DROSHA: variants seen among roughly 807,000 people sequenced by gnomAD.
DROSHA encodes ribonuclease 3.
In DROSHA, 56 loss-of-function variants were observed where a neutral mutation model predicts 181.9. The observed-to-expected ratio is 0.31, with a 90% CI of 0.25 to 0.38. The LOEUF (loss-of-function observed/expected upper bound fraction) is 0.38, where lower values mean the gene tolerates loss of function less well. Among genes scored for constraint, DROSHA ranks in the 10% least tolerant of loss-of-function variants. DROSHA has a pLI of 1.00. For synonymous variants in DROSHA, 524 were observed against 591.2 expected, an observed-to-expected ratio of 0.89 and a Z score of 1.65; for missense variants, 1,218 against 1,743.5, an observed-to-expected ratio of 0.70 and a Z score of 5.37.
At chr5:31,504,124 A>T (rs980428773) in intron 11 of DROSHA, among the ~76,000 whole-genome samples, 3 of 152,224 alleles carry the variant, frequency 2.0e-5, no homozygotes, top group Non-Finnish European at 4.4e-5. Context: ...CCAAGGGCAG[A>T]GACGCAGGTA....
chr5:31,529,175 G>T, intron 3 of DROSHA, 70 bp from the exon 4 acceptor site: 1 of 1,368,690 alleles, frequency 7.3e-7, no homozygotes, highest in Non-Finnish European at 1.0e-6. Flanking sequence ...AAATATTTCT[G>T]CAATTACCAT....
At chr5:31,407,658 A>C (rs1319412290) in intron 33 of DROSHA, among the ~76,000 whole-genome samples, 3 of 152,212 alleles carry the variant, frequency 2.0e-5, no homozygotes, top group African/African-American at 7.2e-5. Flanking sequence ...CATGTAAAAC[A>C]ACCCCATGAT....
chr5:31,440,847 G>A (rs771197655), intron 23 of DROSHA, among the ~76,000 whole-genome samples: 2 of 151,974 alleles, frequency 1.3e-5, no homozygotes, highest in East Asian at 1.9e-4. Flanking sequence ...TTTTCAAGGC[G>A]ATTTCAAGGC....
chr5:31,479,132 G>T (rs550629195), intron 16 of DROSHA, among the ~76,000 whole-genome samples: 1 of 151,582 alleles, frequency 6.6e-6, no homozygotes, highest in Non-Finnish European at 1.5e-5. Flanking sequence ...AAGTATCTGA[G>T]TTTAAAAAAA....
chr5:31,504,297 G>A (rs189387317), intron 11 of DROSHA, among the ~76,000 whole-genome samples: 2 of 152,226 alleles, frequency 1.3e-5, no homozygotes, highest in East Asian at 3.9e-4. Context: ...TACTTGAAAT[G>A]GGAAACCATA....
chr5:31,401,230 AAATAG>A lies in DROSHA; in HGVS notation c.*197_*201del. The A allele has an allele frequency of 4.7e-6, 3 of 636,498 alleles. No homozygotes were observed. Among genetic ancestry groups the A allele is most frequent in the Non-Finnish European group, 7.8e-6 (3 of 383,516 alleles). 39.4% of individuals were successfully genotyped at this position (636,498 alleles called of 1,614,324 possible). On this transcript the variant is annotated 3_prime_UTR_variant, in exon 36 of 36. Coordinates refer to ENST00000344624, the MANE Select transcript of DROSHA (RefSeq NM_001382508.1). ...ATTCACCAAAGTCAAGTTTTCCGTT[AAATAG>A]AAGAAAAATCTAATACTTTGTAATA...
At chr5:31,503,841 A>G (rs1348934663) in intron 11 of DROSHA, among the ~76,000 whole-genome samples, 1 of 152,190 alleles carries the variant, frequency 6.6e-6, no homozygotes, top group African/African-American at 2.4e-5. Context: ...AGTATTTCAA[A>G]TTATCAGGCA....
At chr5:31,469,729 G>T (rs904650861) in intron 17 of DROSHA, among the ~76,000 whole-genome samples, 1 of 152,076 alleles carries the variant, frequency 6.6e-6, no homozygotes, top group Non-Finnish European at 1.5e-5. Context: ...TTATGGCAGG[G>T]GTTGAGGGAG....
At chr5:31,461,358 G>C (rs982513800) in intron 20 of DROSHA, among the ~76,000 whole-genome samples, 3 of 152,174 alleles carry the variant, frequency 2.0e-5, no homozygotes, top group African/African-American at 7.2e-5. Context: ...ATTCCAGGAA[G>C]AGCTAACGTA....
At chr5:31,504,445 T>C in intron 11 of DROSHA, 110 bp downstream of exon 11, 1 of 1,212,452 alleles carries the variant, frequency 8.2e-7, no homozygotes, top group Non-Finnish European at 1.2e-6. Flanking sequence ...TTAGGGAATA[T>C]GAAGAGAATT....
intron 5 of DROSHA, 47 bp downstream of exon 5, chr5:31,526,032 G>C: frequency 6.7e-7 from 1 of 1,502,870 alleles, no homozygotes; most frequent in Non-Finnish European, 9.0e-7. Context: ...GAATGACCGT[G>C]CCTGGGCCTC....
chr5:31,476,437 C>T (rs1174602976), intron 16 of DROSHA, among the ~76,000 whole-genome samples: 4 of 152,266 alleles, frequency 2.6e-5, no homozygotes, highest in East Asian at 3.9e-4. Flanking sequence ...TTAGGTACAA[C>T]GCTAATGATG....
chr5:31,525,056 C>T (rs1337488992), intron 5 of DROSHA, among the ~76,000 whole-genome samples: 1 of 151,822 alleles, frequency 6.6e-6, no homozygotes, highest in African/African-American at 2.4e-5. Context: ...TTAGGCCAGG[C>T]GCAGTGGCTC....
intron 26 of DROSHA, 26 bp from the exon 27 acceptor site, chr5:31,429,571 AAG>A (rs1166064384): frequency 6.3e-7 from 1 of 1,597,996 alleles, no homozygotes; most frequent in Admixed American, 1.7e-5. Flanking sequence ...AGAATGCCAA[AAG>A]AGAGTCTCCA....
At chr5:31,508,563 G>A (rs1738267975) in intron 10 of DROSHA, 58 bp downstream of exon 10, 2 of 1,607,972 alleles carry the variant, frequency 1.2e-6, no homozygotes, top group Non-Finnish European at 8.5e-7. Flanking sequence ...TGAGCCCAGA[G>A]CAATAACCGT....
chr5:31,405,265 G>A (rs1443977611), intron 35 of DROSHA, among the ~76,000 whole-genome samples: 1 of 151,988 alleles, frequency 6.6e-6, no homozygotes, highest in African/African-American at 2.4e-5. Context: ...CTACTGGGGA[G>A]GCTGAGGCAG....
Position 31,421,382 on chromosome 5 carries a change from A to C in DROSHA, c.3420-5T>G. 7.5e-6 allele frequency: 12 copies of C among 1,603,074 alleles called. No individual in the cohort carries two copies. Among genetic ancestry groups the C allele is most frequent in the Non-Finnish European group, 1.0e-5 (12 of 1,171,106 alleles). On this transcript the variant is annotated splice_region_variant and splice_polypyrimidine_tract_variant and intron_variant, in intron 29 of 35. Coordinates refer to ENST00000344624, the MANE Select transcript of DROSHA (RefSeq NM_001382508.1). ...TCCATTCTCTGATTGTGGCCTCTGG[A>C]AAAAGAAACATCAAAGTAAAGAAAT...
intron 26 of DROSHA, 79 bp from the exon 27 acceptor site, chr5:31,429,624 A>G (rs375998884): frequency 8.1e-7 from 1 of 1,234,362 alleles, no homozygotes; most frequent in African/African-American, 1.5e-5. Flanking sequence ...TAATAAAGCA[A>G]AAACGCAAGC....
rs781582130 is a variant in DROSHA at position 31,401,392 on chromosome 5, T to C, written c.*40A>G. Reference sequence around the variant, plus strand: ...AGGTCTCAATAGACAACAGTCACAGTTACTGAGCAAGTAAATACTCCACAC... The same window carrying C: ...AGGTCTCAATAGACAACAGTCACAGCTACTGAGCAAGTAAATACTCCACAC... On this transcript the variant is annotated 3_prime_UTR_variant, in exon 36 of 36. Transcript: ENST00000344624. 8.1e-6 allele frequency: 13 copies of C among 1,602,006 alleles called. No homozygotes were observed. Among genetic ancestry groups the C allele is most frequent in the Admixed American group, 6.7e-5 (4 of 59,684 alleles).
Sources: allele counts gnomAD v4.1 joint callset (sites outside exome capture counted in the v4.1 genomes callset), GRCh38; gene constraint gnomAD v4.1.1; transcripts MANE v1.5; gene names NCBI Gene and HGNC (gene_info 2026-07-23, HGNC 2026-07-21).